The following MAP4 variants were observed in gnomAD, a reference collection of about 807,000 sequenced individuals.
MAP4 encodes the protein microtubule associated protein 4, also known as microtubule-associated protein 4.
MAP4 carries 76 observed loss-of-function variants against 170.2 expected under a neutral mutation model. The observed-to-expected ratio is 0.45, with a 90% confidence interval of 0.37 to 0.54. The LOEUF (loss-of-function observed/expected upper bound fraction) is 0.54. MAP4 is among the 20% of genes least tolerant of loss of function. The pLI is 0.00. For missense variants in MAP4, 2,506 were observed against 2,748.0 expected (o/e 0.91, Z 1.97); for synonymous variants, 909 against 994.5 (o/e 0.91, Z 1.62).
At chr3:47,918,394 A>G (rs905805661) in intron 6 of MAP4, among the ~76,000 whole-genome samples, 13 of 152,210 alleles carry the variant, frequency 8.5e-5, no homozygotes, top group Admixed American at 6.5e-4. Context: ...TGCTGGGATT[A>G]TAAGTGTGAG....
intron 1 of MAP4, among the ~76,000 whole-genome samples, chr3:48,013,290 G>T (rs763728725): frequency 4.6e-5 from 7 of 151,518 alleles, no homozygotes; most frequent in Non-Finnish European, 8.8e-5. Context: ...TTGTGAATGA[G>T]AAGCATTTAC....
Position 47,912,061 on chromosome 3 carries a change from C to A in MAP4, c.2360G>T (p.Gly787Val). 2 of 1,536,168 alleles carry A rather than the reference C, an allele frequency of 1.3e-6. No homozygotes were observed. The highest frequency in any genetic ancestry group is 2.4e-5 in the South Asian group (2 of 84,038). ...QKRYSQPRAG[G>V]PSDDDNADKP... Reference sequence around the variant, plus strand: ...ATCTGCATTGTCATCATCCGAAGGTCCTCCAGCCCGTGGTTGAGAATATCT... The same window carrying A: ...ATCTGCATTGTCATCATCCGAAGGTACTCCAGCCCGTGGTTGAGAATATCT... The change falls in exon 9 of 21, where the codon GGA becomes GTA. Residue 787 changes from glycine to valine, a missense_variant. Transcript: ENST00000683076.
chr3:47,963,521 A>G (rs550608044), intron 3 of MAP4, among the ~76,000 whole-genome samples: 1 of 152,376 alleles, frequency 6.6e-6, no homozygotes, highest in East Asian at 1.9e-4. Context: ...AATTCATGAC[A>G]GATAACATAT....
At chr3:47,974,416 C>T (rs1322887689) in intron 3 of MAP4, 11 of 949,004 alleles carry the variant, frequency 1.2e-5, no homozygotes, top group Non-Finnish European at 1.4e-5. Flanking sequence ...GAGTGAGACC[C>T]TGTCTCAAAA....
chr3:47,992,852 C>T (rs1004069203), intron 2 of MAP4, among the ~76,000 whole-genome samples: 15 of 149,260 alleles, frequency 1.0e-4, no homozygotes, highest in Non-Finnish European at 1.8e-4. Context: ...TGCAGTGAGC[C>T]GAGACTGTGC....
chr3:47,917,477 T>C (rs2100040369), intron 6 of MAP4, among the ~76,000 whole-genome samples: 1 of 151,546 alleles, frequency 6.6e-6, no homozygotes, highest in African/African-American at 2.4e-5. Flanking sequence ...TCCCAGCTAC[T>C]TGGGAGGCTG....
rs34150865 is a variant in MAP4 at position 48,070,203 on chromosome 3, C to CT, written c.-20+18569dup. 1.1e-4 allele frequency among the ~76,000 whole-genome samples: 16 copies of CT among 148,520 alleles called. No homozygotes were observed. In the East Asian group the frequency reaches 1.6e-3, roughly 15 times the overall value. ...TGTTGGCCAGGATAGTCTCTTTTTT[C>CT]TTTTTTTTTCTCCCTCCTCAGGTGC... On this transcript the variant is annotated intron_variant, in intron 1 of 18. Coordinates refer to the MAP4 transcript ENST00000360240.
intron 1 of MAP4, among the ~76,000 whole-genome samples, chr3:48,063,933 A>C (rs2100137148): frequency 6.6e-6 from 1 of 152,184 alleles, no homozygotes. Flanking sequence ...CATCTTTGCA[A>C]AAATTATAAC....
rs1354828100 is a variant in MAP4, at chr3:47,852,609, C to T, written c.*325G>A. On this transcript the variant is annotated 3_prime_UTR_variant, in exon 21 of 21. Transcript: ENST00000683076. ...CAACTTAGCCTCAACCACCCCAACC[C>T]CCTCCCAACCTCCTCCACGGAGCAG... is the stretch of plus-strand genomic sequence containing the variant. 5.0e-6 allele frequency: 4 copies of T among 802,694 alleles called. No individual in the cohort carries two copies. The highest frequency in any genetic ancestry group is 7.5e-6 in the Non-Finnish European group (4 of 530,152). The allele number at this position is 802,694 out of a possible 1,614,324, so 49.7% of individuals were successfully genotyped here. A position where few individuals can be genotyped will look rare whatever the true frequency, so the allele number is the denominator to read the frequency against.
chr3:48,013,549 A>G (rs949230230), intron 1 of MAP4: 1 of 152,096 alleles, frequency 6.6e-6, no homozygotes, highest in African/African-American at 2.4e-5. Context: ...TTAAATGTTT[A>G]CTGAGGTTGA....
chr3:47,880,307 A>G (rs1310964653), intron 10 of MAP4, among the ~76,000 whole-genome samples: 1 of 127,790 alleles, frequency 7.8e-6, no homozygotes, highest in African/African-American at 3.1e-5. Flanking sequence ...ATGGGGTTTC[A>G]CCATGTTAGC....
At chr3:47,981,772 A>G (rs989046335) in intron 2 of MAP4, among the ~76,000 whole-genome samples, 2 of 152,054 alleles carry the variant, frequency 1.3e-5, no homozygotes, top group Admixed American at 1.3e-4. Flanking sequence ...CTCCCAAAAA[A>G]AAAAAAAAGC....
At chr3:48,040,469 C>T (rs557663540) in intron 1 of MAP4, among the ~76,000 whole-genome samples, 142 of 152,136 alleles carry the variant, frequency 9.3e-4, no homozygotes, top group African/African-American at 3.4e-3. Context: ...TGGGGTTTCA[C>T]CATGTTAGCC....
intron 3 of MAP4, among the ~76,000 whole-genome samples, chr3:47,956,446 G>A (rs1559595402): frequency 1.3e-5 from 2 of 152,202 alleles, no homozygotes; most frequent in Non-Finnish European, 2.9e-5. Flanking sequence ...CAGTGATGAA[G>A]AAAAATCTTT....
intron 1 of MAP4, among the ~76,000 whole-genome samples, chr3:48,050,081 G>A (rs1226803100): frequency 6.6e-6 from 1 of 151,732 alleles, no homozygotes; most frequent in Non-Finnish European, 1.5e-5. Context: ...CCAACATGGT[G>A]AAACCCCGTC....
At chr3:48,020,794 T>G (rs763734021), upstream of MAP4, among the ~76,000 whole-genome samples, 1 of 152,118 alleles carries the variant, frequency 6.6e-6, no homozygotes, top group African/African-American at 2.4e-5. Flanking sequence ...TTGTTGTTGT[T>G]TTGTTTTTTT....
At chr3:47,989,173 G>C (rs889304384) in intron 2 of MAP4, among the ~76,000 whole-genome samples, 1 of 152,238 alleles carries the variant, frequency 6.6e-6, no homozygotes, top group Admixed American at 6.5e-5. Flanking sequence ...CACTTTGGGA[G>C]GCCTAGGCGG....
chr3:47,934,002 T>C (rs1221910916), intron 3 of MAP4, among the ~76,000 whole-genome samples: 2 of 152,344 alleles, frequency 1.3e-5, no homozygotes, highest in East Asian at 1.9e-4. Context: ...CTGTACTCTA[T>C]GTATGTATTC....
chr3:47,975,884 G>T (rs1040112087), intron 3 of MAP4, among the ~76,000 whole-genome samples: 1 of 151,846 alleles, frequency 6.6e-6, no homozygotes, highest in African/African-American at 2.4e-5. Flanking sequence ...CCGCCTCCTG[G>T]GTTCAAGCGA....
Sources: allele counts gnomAD v4.1 joint callset (sites outside exome capture counted in the v4.1 genomes callset), GRCh38; gene constraint gnomAD v4.1.1; transcripts MANE v1.5; gene names NCBI Gene and HGNC (gene_info 2026-07-23, HGNC 2026-07-21).